Variants in GRIK4 observed in about 807,000 individuals in gnomAD.
GRIK4 encodes glutamate ionotropic receptor kainate type subunit 4, also known as glutamate receptor ionotropic, kainate 4.
In GRIK4, 40 loss-of-function variants were observed where a neutral mutation model predicts 104.9. The observed-to-expected ratio is 0.38, with a 90% CI of 0.30 to 0.50. The LOEUF (loss-of-function observed/expected upper bound fraction) is 0.50. Among genes scored for constraint, GRIK4 ranks in the 20% least tolerant of loss-of-function variants. GRIK4 has a pLI of 0.93. For synonymous variants in GRIK4, 485 were observed against 524.9 expected, an observed-to-expected ratio of 0.92 and a Z score of 1.04; for missense variants, 1,047 against 1,308.1, an observed-to-expected ratio of 0.80 and a Z score of 3.08.
At chr11:120,514,334 C>T (rs932317686) in intron 1 of GRIK4, among the ~76,000 whole-genome samples, 35 of 152,168 alleles carry the variant, frequency 2.3e-4, no homozygotes, top group Admixed American at 7.9e-4. Context: ...AGCATCTGAT[C>T]GCTCCTTACA....
At chr11:120,707,827 A>G (rs969070625) in intron 3 of GRIK4, among the ~76,000 whole-genome samples, 1 of 152,150 alleles carries the variant, frequency 6.6e-6, no homozygotes, top group East Asian at 1.9e-4. Context: ...GTTCCTCTCC[A>G]CATGGACTGC....
At chr11:120,817,884 C>G (rs1198035572) in intron 5 of GRIK4, among the ~76,000 whole-genome samples, 1 of 152,204 alleles carries the variant, frequency 6.6e-6, no homozygotes, top group Non-Finnish European at 1.5e-5. Context: ...GGAGAAAGAG[C>G]CTTGCGCAAG....
intron 1 of GRIK4, among the ~76,000 whole-genome samples, chr11:120,639,150 C>G (rs1002397313): frequency 6.6e-6 from 1 of 151,960 alleles, no homozygotes; most frequent in Non-Finnish European, 1.5e-5. Context: ...GCTGAGATCA[C>G]GCCATTGCAC....
Position 120,622,863 on chromosome 11 carries a change from C to T in GRIK4, c.-158-30822C>T, listed in dbSNP as rs575175339. ...TCCTCTTCTCTGTGTGTCTGTCCTA[C>T]GGATACATGTGGTTTACTTAGGGCC... On this transcript the variant is annotated intron_variant, in intron 1 of 20. Coordinates refer to ENST00000527524, the MANE Select transcript of GRIK4 (RefSeq NM_014619.5). 1.1e-4 allele frequency among the ~76,000 whole-genome samples: 16 copies of T among 152,332 alleles called. No homozygotes were observed. The South Asian group carries it at 2.9e-3, about 28-fold the overall frequency.
intron 1 of GRIK4, among the ~76,000 whole-genome samples, chr11:120,537,788 T>C (rs1947992976): frequency 6.6e-6 from 1 of 151,952 alleles, no homozygotes; most frequent in Admixed American, 6.6e-5. Context: ...AATGAGGGGA[T>C]CTGTTGTAGA....
intron 3 of GRIK4, among the ~76,000 whole-genome samples, chr11:120,693,955 A>G (rs1950403901): frequency 6.6e-6 from 1 of 152,192 alleles, no homozygotes; most frequent in Non-Finnish European, 1.5e-5. Context: ...AAATTGTCTT[A>G]GCACCATTTT....
intron 1 of GRIK4, among the ~76,000 whole-genome samples, chr11:120,609,208 C>T (rs1192511164): frequency 6.6e-6 from 1 of 152,004 alleles, no homozygotes; most frequent in Non-Finnish European, 1.5e-5. Flanking sequence ...GCCCCTCCCA[C>T]CTCGGGGATC....
At chr11:120,868,541 G>C (rs916742385) in intron 9 of GRIK4, 1 of 149,088 alleles carries the variant, frequency 6.7e-6, no homozygotes, top group East Asian at 2.0e-4. Flanking sequence ...GGGGGGGGGG[G>C]CGGTGCCTCC....
chr11:120,701,472 G>C (rs1950550024), intron 3 of GRIK4, among the ~76,000 whole-genome samples: 1 of 152,192 alleles, frequency 6.6e-6, no homozygotes, highest in African/African-American at 2.4e-5. Flanking sequence ...TTAAGGGTGA[G>C]TAGTATGCCA....
rs1431019592 is a variant in GRIK4 at position 120,952,572 on chromosome 11, G to T, written c.1591-283G>T. Among the ~76,000 whole-genome samples, 3 of 152,154 alleles carry T rather than the reference G, an allele frequency of 2.0e-5. No homozygotes were observed. Among genetic ancestry groups the T allele is most frequent in the Admixed American group, 2.0e-4 (3 of 15,280 alleles). ...CAGGGTGGTACTTCGGGGCACTGAG[G>T]GTTGTTCCTCTTTGCCAGCACAAAG... On this transcript the variant is annotated intron_variant, in intron 14 of 20. Transcript: ENST00000527524. This position sits in a 1 kb window ranked among gnomAD's most constrained non-coding sequence, Gnocchi z 5.2.
chr11:120,786,293 AATCCC>A (rs58529720), intron 3 of GRIK4, among the ~76,000 whole-genome samples: 1,528 of 152,036 alleles, frequency 0.01, 17 homozygotes, highest in Middle Eastern at 0.034. Context: ...TACATGTCCA[AATCCC>A]ATGGTCTGAA....
intron 1 of GRIK4, among the ~76,000 whole-genome samples, chr11:120,640,111 T>TG (rs1733054755): frequency 6.6e-6 from 1 of 152,172 alleles, no homozygotes; most frequent in South Asian, 2.1e-4. Flanking sequence ...AGAAAGAACT[T>TG]GGGGCAAGTC....
chr11:120,824,548 C>CTCTTTTTTTTTTTTTT (rs1391390503), intron 6 of GRIK4, among the ~76,000 whole-genome samples: 3 of 131,174 alleles, frequency 2.3e-5, no homozygotes, highest in African/African-American at 2.7e-5. Flanking sequence ...TTTTTTTTTT[C>CTCTTTTTTTTTTTTTT]TTTTCTTTTT....
intron 11 of GRIK4, among the ~76,000 whole-genome samples, chr11:120,897,574 C>G (rs1942614588): frequency 3.2e-5 from 2 of 63,026 alleles, no homozygotes; most frequent in South Asian, 1.3e-3. Flanking sequence ...TAGACTCTAG[C>G]CTGGGTGACA....
rs1006416126 is a variant in GRIK4, at chr11:120,967,795, G to A, written c.2395+472G>A. ...CACTGGGAATAAAATTCAGGACCCT[G>A]TGTGATCTGTTCCCCCTCAGCCTTC... On this transcript the variant is annotated intron_variant, in intron 19 of 20. Transcript: ENST00000527524. The surrounding 1 kb of genome is among the most constrained non-coding windows in gnomAD (Gnocchi z 4.2). Among the ~76,000 whole-genome samples, 1 of 152,008 alleles carries A rather than the reference G, an allele frequency of 6.6e-6. No individual in the cohort carries two copies. The highest frequency in any genetic ancestry group is 1.5e-5 in the Non-Finnish European group (1 of 67,996).
At chr11:120,837,248 C>A (rs1425114747) in intron 8 of GRIK4, among the ~76,000 whole-genome samples, 1 of 152,184 alleles carries the variant, frequency 6.6e-6, no homozygotes, top group Non-Finnish European at 1.5e-5. Context: ...GATCCTTGTT[C>A]TTTTCCAGCT....
At chr11:120,561,988 G>A (rs750026730) in intron 1 of GRIK4, among the ~76,000 whole-genome samples, 8 of 152,200 alleles carry the variant, frequency 5.3e-5, no homozygotes, top group Non-Finnish European at 8.8e-5. Context: ...GAAGGATGTC[G>A]TGTTCTTCCT....
chr11:120,635,616 G>A (rs904458208), intron 1 of GRIK4, among the ~76,000 whole-genome samples: 22 of 152,284 alleles, frequency 1.4e-4, no homozygotes, highest in Admixed American at 4.6e-4. Context: ...TTAATTAATC[G>A]GATGCTTTCC....
At position 120,513,002 on chromosome 11, in the gene GRIK4, C is replaced by A. The variant is rs2136066923; in HGVS notation, c.-159+1115C>A. On this transcript the variant is annotated intron_variant, in intron 1 of 20. Coordinates refer to ENST00000527524, the MANE Select transcript of GRIK4 (RefSeq NM_014619.5). This position sits in a 1 kb window ranked among gnomAD's most constrained non-coding sequence, Gnocchi z 4.5. ...TGGCTCTTGGCATCTGTACTTGATG[C>A]TGCCATCTTCCTCTTGGTGCTGTTG... Among the ~76,000 whole-genome samples the A allele has an allele frequency of 6.6e-6, 1 of 152,292 alleles. No individual in the cohort carries two copies. Among genetic ancestry groups the A allele is most frequent in the South Asian group, 2.1e-4 (1 of 4,824 alleles).
Sources: gnomAD v4.1 joint callset for allele counts (sites outside exome capture counted in the v4.1 genomes callset) on GRCh38, gnomAD v4.1.1 for gene constraint, Gnocchi (gnomAD v3.1) non-coding constraint, MANE v1.5 for transcripts, NCBI Gene and HGNC (gene_info 2026-07-23, HGNC 2026-07-21) for gene names.